The following DLGAP4 variants were observed in gnomAD, a reference collection of about 807,000 sequenced individuals.
The protein encoded by DLGAP4 is DLG associated protein 4, also known as disks large-associated protein 4.
Under a neutral mutation model 86.9 loss-of-function variants are expected in DLGAP4, and 18 were observed. The observed-to-expected ratio is 0.21, with a 90% CI of 0.14 to 0.31. The LOEUF (loss-of-function observed/expected upper bound fraction) is 0.31, where lower values mean the gene tolerates loss of function less well. Ranked by LOEUF, DLGAP4 falls within the 10% of genes least tolerant of loss-of-function variation. The pLI is 1.00. For missense variants in DLGAP4, 1,085 were observed against 1,362.6 expected, an observed-to-expected ratio of 0.80 and a Z score of 3.21; for synonymous variants, 548 against 574.3, an observed-to-expected ratio of 0.95 and a Z score of 0.65.
At chr20:36,380,430 AAAT>A in intron 2 of DLGAP4, among the ~76,000 whole-genome samples, 1 of 151,884 alleles carries the variant, frequency 6.6e-6, no homozygotes, top group East Asian at 1.9e-4. Context: ...ATAATTTAAA[AAAT>A]AATAATTAGC....
chr20:36,342,680 G>C (rs2065395652), intron 1 of DLGAP4, among the ~76,000 whole-genome samples: 1 of 152,228 alleles, frequency 6.6e-6, no homozygotes, highest in Admixed American at 6.5e-5. Flanking sequence ...AACTGGAAAG[G>C]CTCAGAGACT....
intron 7 of DLGAP4, among the ~76,000 whole-genome samples, chr20:36,450,324 C>A (rs942689765): frequency 2.0e-5 from 3 of 152,074 alleles, no homozygotes; most frequent in Admixed American, 6.6e-5. Context: ...ATGGCGAAAC[C>A]CTGTCTCTAC....
At chr20:36,318,106 TCACACACACACACACACA>T (rs1156543199) in intron 1 of DLGAP4, among the ~76,000 whole-genome samples, 100 of 139,226 alleles carry the variant, frequency 7.2e-4, no homozygotes, top group Admixed American at 1.4e-3. Flanking sequence ...ATGTGTCCTC[TCACACACACACACACACA>T]CACACACACA....
At chr20:36,516,788 A>C (rs1448930615) in intron 10 of DLGAP4, among the ~76,000 whole-genome samples, 1 of 151,870 alleles carries the variant, frequency 6.6e-6, no homozygotes, top group Non-Finnish European at 1.5e-5. Flanking sequence ...TGAAGGAAAA[A>C]AAATCAAAAG....
intron 7 of DLGAP4, among the ~76,000 whole-genome samples, chr20:36,482,428 T>A (rs192565715): frequency 2.3e-4 from 35 of 152,304 alleles, no homozygotes; most frequent in Admixed American, 3.3e-4. Context: ...TTGAGGCTCT[T>A]TCCAAGTAAT....
chr20:36,508,419 G>GTTTTTTTTTTTTTTT (rs1569523131), intron 10 of DLGAP4: 38 of 134,594 alleles, frequency 2.8e-4, no homozygotes, highest in African/African-American at 1.1e-3. Flanking sequence ...ATGTTTCAGG[G>GTTTTTTTTTTTTTTT]TTCTTTTTTT....
intron 7 of DLGAP4, among the ~76,000 whole-genome samples, chr20:36,494,212 G>A (rs1196023246): frequency 6.6e-6 from 1 of 152,142 alleles, no homozygotes; most frequent in Admixed American, 6.6e-5. Context: ...TCCTGGCTTG[G>A]AACTCAGAGC....
At chr20:36,469,283 T>C (rs1447577378) in intron 7 of DLGAP4, among the ~76,000 whole-genome samples, 1 of 151,974 alleles carries the variant, frequency 6.6e-6, no homozygotes, top group Non-Finnish European at 1.5e-5. Flanking sequence ...CACACCGAGA[T>C]CTAGCCAGGA....
At chr20:36,480,509 G>C (rs916990465) in intron 7 of DLGAP4, among the ~76,000 whole-genome samples, 1 of 151,976 alleles carries the variant, frequency 6.6e-6, no homozygotes, top group African/African-American at 2.4e-5. Context: ...TTTGAGATCA[G>C]TCTGGGCAAC....
chr20:36,508,763 G>A (rs1031531008), intron 10 of DLGAP4: 1 of 152,188 alleles, frequency 6.6e-6, no homozygotes, highest in Non-Finnish European at 1.5e-5. Context: ...CAACACTCTG[G>A]TGCATGTCTC....
At chr20:36,504,273 C>T (rs771615060) in intron 10 of DLGAP4, among the ~76,000 whole-genome samples, 1 of 152,164 alleles carries the variant, frequency 6.6e-6, no homozygotes, top group Non-Finnish European at 1.5e-5. Flanking sequence ...CCGCTGGTAT[C>T]CTCTACTTGC....
chr20:36,402,116 A>T (rs2032180566), intron 2 of DLGAP4, among the ~76,000 whole-genome samples: 1 of 152,230 alleles, frequency 6.6e-6, no homozygotes, highest in Non-Finnish European at 1.5e-5. Context: ...GACACATGTC[A>T]TGCCAGTGGG....
rs547111775 is a variant in DLGAP4 at position 36,404,983 on chromosome 20, C to T, written c.-72-26663C>T. Among the ~76,000 whole-genome samples, 15 of 152,252 alleles carry T rather than the reference C, an allele frequency of 9.9e-5. No homozygotes were observed. In the East Asian group the frequency reaches 1.2e-3, roughly 12 times the overall value. ...GAGGGCCTCTGGAGGAGGCGGTGTG[C>T]GCTGGGCCTTGCTGCAGACCTGGGG... On this transcript the variant is annotated intron_variant, in intron 2 of 12. Coordinates refer to ENST00000339266, the MANE Select transcript of DLGAP4 (RefSeq NM_001365621.2).
chr20:36,442,476 G>A lies in DLGAP4; in HGVS notation c.1357-251G>A, dbSNP rs187133662. Among the ~76,000 whole-genome samples, 378 of 152,306 alleles carry A rather than the reference G, an allele frequency of 2.5e-3. 2 individuals are homozygous for A. Among genetic ancestry groups the A allele is most frequent in the African/African-American group, 8.7e-3 (362 of 41,566 alleles). On this transcript the variant is annotated intron_variant, in intron 5 of 12. Transcript: ENST00000339266. ...CCCAGAGTGCTGGGATTATAGGCAT[G>A]AGCCACTGCGCCCAGCCAAGAAGGA...
chr20:36,467,016 TCCTC>T (rs2034411449), intron 7 of DLGAP4, among the ~76,000 whole-genome samples: 1 of 39,688 alleles, frequency 2.5e-5, no homozygotes, highest in African/African-American at 1.4e-4. Context: ...TCTCTCTCTC[TCCTC>T]TCTCTCTCTC....
intron 2 of DLGAP4, among the ~76,000 whole-genome samples, chr20:36,373,700 C>T (rs2031031165): frequency 6.6e-6 from 1 of 152,126 alleles, no homozygotes; most frequent in African/African-American, 2.4e-5. Context: ...GCCCAAGATG[C>T]ATGGTTTTCA....
chr20:36,385,885 C>T (rs927367428), intron 2 of DLGAP4, among the ~76,000 whole-genome samples: 2 of 152,172 alleles, frequency 1.3e-5, no homozygotes, highest in Non-Finnish European at 2.9e-5. Flanking sequence ...AGAGATCTGC[C>T]TCCCCACTTC....
chr20:36,417,277 T>C (rs141760034), intron 2 of DLGAP4, among the ~76,000 whole-genome samples: 63 of 152,324 alleles, frequency 4.1e-4, no homozygotes, highest in African/African-American at 1.4e-3. Context: ...AAAGGCCCCA[T>C]GGCAGGCAAG....
chr20:36,525,541 C>A, intron 11 of DLGAP4: 1 of 428,340 alleles, frequency 2.3e-6, no homozygotes, highest in Non-Finnish European at 4.3e-6. Context: ...ACTGTCACAC[C>A]ATGGCCAAGA....
Sources: gnomAD v4.1 joint callset for allele counts (sites outside exome capture counted in the v4.1 genomes callset) on GRCh38, gnomAD v4.1.1 for gene constraint, MANE v1.5 for transcripts, NCBI Gene and HGNC (gene_info 2026-07-23, HGNC 2026-07-21) for gene names.